The following SLC35G2 variants were observed in gnomAD, a reference collection of about 807,000 sequenced individuals.
SLC35G2 encodes solute carrier family 35 member G2.
A neutral mutation model predicts 27.2 loss-of-function variants in SLC35G2; 20 were observed. The observed-to-expected ratio is 0.74, with a 90% confidence interval of 0.52 to 1.07. The LOEUF is 1.07. Ranked by LOEUF, SLC35G2 falls within the 50% of genes least tolerant of loss-of-function variation. The pLI, the probability that SLC35G2 is intolerant of heterozygous loss-of-function variation, is 0.00. For missense variants in SLC35G2, 416 were observed against 493.3 expected (o/e 0.84, Z 1.48); for synonymous variants, 148 against 165.3 (o/e 0.90, Z 0.80).
intron 1 of SLC35G2, among the ~76,000 whole-genome samples, chr3:136,825,016 C>T (rs1032174049): frequency 3.3e-5 from 5 of 151,974 alleles, no homozygotes; most frequent in African/African-American, 7.2e-5. Flanking sequence ...GGTTTTCTGA[C>T]CTTGTGATAG....
chr3:136,827,848 T>C (rs115773336), intron 1 of SLC35G2, among the ~76,000 whole-genome samples: 2,457 of 152,128 alleles, frequency 0.016, 76 homozygotes, highest in African/African-American at 0.056. Context: ...TGTTTTTTTT[T>C]TTTTGAGACA....
chr3:136,842,289 G>C (rs564407960), intron 1 of SLC35G2: 1 of 152,086 alleles, frequency 6.6e-6, no homozygotes, highest in Non-Finnish European at 1.5e-5. Context: ...TGAGTGGTTC[G>C]GGATCTGCTT....
At chr3:136,830,631 AT>A (rs1442017736) in intron 1 of SLC35G2, among the ~76,000 whole-genome samples, 1 of 151,306 alleles carries the variant, frequency 6.6e-6, no homozygotes, top group Non-Finnish European at 1.5e-5. Context: ...GTTGGCCAGG[AT>A]GGTCTCGATC....
intron 1 of SLC35G2, among the ~76,000 whole-genome samples, chr3:136,826,605 G>A (rs1248293209): frequency 3.3e-5 from 5 of 151,956 alleles, no homozygotes; most frequent in Non-Finnish European, 7.4e-5. Context: ...TGTGGTATCA[G>A]TTGTAATGTC....
intron 1 of SLC35G2, among the ~76,000 whole-genome samples, chr3:136,839,726 G>A (rs974349087): frequency 6.6e-6 from 1 of 152,058 alleles, no homozygotes; most frequent in Non-Finnish European, 1.5e-5. Flanking sequence ...GCCAGCTGTT[G>A]ACTTCTAGAA....
chr3:136,842,483 A>C (rs1454799130), intron 1 of SLC35G2: 4 of 152,208 alleles, frequency 2.6e-5, no homozygotes, highest in African/African-American at 9.6e-5. Context: ...CCCTGGGGCC[A>C]GTATAGAGTT....
chr3:136,831,370 G>C (rs1387333757), intron 1 of SLC35G2, among the ~76,000 whole-genome samples: 5 of 152,180 alleles, frequency 3.3e-5, no homozygotes. Context: ...CTAAGCCAGA[G>C]GACTCATTCA....
intron 1 of SLC35G2, chr3:136,842,716 TA>T (rs1440876635): frequency 6.6e-6 from 1 of 152,230 alleles, no homozygotes; most frequent in Non-Finnish European, 1.5e-5. Context: ...ACCAAGTCAT[TA>T]TTTTTGTTTA....
At chr3:136,845,126 C>T (rs1265029948) in intron 1 of SLC35G2, among the ~76,000 whole-genome samples, 1 of 151,908 alleles carries the variant, frequency 6.6e-6, no homozygotes, top group African/African-American at 2.4e-5. Flanking sequence ...TGTTTGATAT[C>T]ATTTTTGTAA....
At chr3:136,834,479 G>A (rs1333229846) in intron 1 of SLC35G2, among the ~76,000 whole-genome samples, 1 of 152,068 alleles carries the variant, frequency 6.6e-6, no homozygotes, top group African/African-American at 2.4e-5. Context: ...ATAGGCACCT[G>A]CCACCACACC....
intron 1 of SLC35G2, among the ~76,000 whole-genome samples, chr3:136,833,279 G>C (rs886465950): frequency 1.1e-4 from 17 of 152,148 alleles, no homozygotes; most frequent in Non-Finnish European, 2.9e-5. Context: ...TGTGACCTCA[G>C]AAGACATATA....
intron 1 of SLC35G2, among the ~76,000 whole-genome samples, chr3:136,849,957 A>C (rs1937573875): frequency 1.3e-5 from 2 of 152,004 alleles, no homozygotes; most frequent in South Asian, 2.1e-4. Flanking sequence ...AAATACAAAA[A>C]TTAGCCAGGC....
intron 1 of SLC35G2, among the ~76,000 whole-genome samples, chr3:136,844,214 G>A (rs1355039352): frequency 6.6e-6 from 1 of 151,764 alleles, no homozygotes; most frequent in Non-Finnish European, 1.5e-5. Flanking sequence ...AAACAGCCAG[G>A]CGCGGTGGCT....
intron 1 of SLC35G2, among the ~76,000 whole-genome samples, chr3:136,824,984 T>G (rs1166560030): frequency 3.3e-5 from 5 of 152,174 alleles, no homozygotes; most frequent in Non-Finnish European, 5.9e-5. Flanking sequence ...CTCCCACCTA[T>G]GAGTGAAAAC....
intron 1 of SLC35G2, among the ~76,000 whole-genome samples, chr3:136,850,860 G>A (rs1301907594): frequency 1.3e-5 from 2 of 152,074 alleles, no homozygotes; most frequent in African/African-American, 4.8e-5. Context: ...CAGGAGGGGT[G>A]GTGTACAAGT....
intron 1 of SLC35G2, among the ~76,000 whole-genome samples, chr3:136,824,004 C>T (rs149580726): frequency 6.6e-6 from 1 of 152,224 alleles, no homozygotes; most frequent in African/African-American, 2.4e-5. Flanking sequence ...ATGTTCCTGG[C>T]ACCTTTGTGG....
At position 136,854,721 on chromosome 3, in the gene SLC35G2, T is replaced by G. The variant is rs1937891377; in HGVS notation, c.261T>G (p.Ile87Met). Residue 87 changes from isoleucine (I) to methionine (M), a missense_variant, in exon 2 of 2, where the codon ATT becomes ATG. Coordinates refer to ENST00000446465, the MANE Select transcript of SLC35G2 (RefSeq NM_025246.3). ...PPTEDPMINE[I>M]GQFQSFAEKN... The stretch of plus-strand genomic sequence containing the variant: ...CAGAAGACCCAATGATCAATGAGAT[T>G]GGACAATTCCAGAGCTTTGCAGAAA... The G allele has an allele frequency of 6.2e-7, 1 of 1,614,140 alleles. No individual in the cohort carries two copies. The highest frequency in any genetic ancestry group is 8.5e-7 in the Non-Finnish European group (1 of 1,180,030).
chr3:136,855,739 T>TAG lies in SLC35G2; in HGVS notation c.*40_*41insAG, dbSNP rs1937991511. On this transcript the variant is annotated 3_prime_UTR_variant, in exon 2 of 2. Coordinates refer to ENST00000446465, the MANE Select transcript of SLC35G2 (RefSeq NM_025246.3). ...TTGTCTCATTAATGTTCAGTTATTA[T>TAG]GTATACTGCCATTTTAATGTTTACC... The TAG allele has an allele frequency of 5.1e-6, 4 of 777,658 alleles. No homozygotes were observed. The African/African-American group carries it at 7.5e-5, about 15-fold the overall frequency. 48.2% of individuals were successfully genotyped at this position (777,658 alleles called of 1,614,324 possible). A position where few individuals can be genotyped will look rare whatever the true frequency, so the allele number is the denominator to read the frequency against.
At chr3:136,846,715 A>C (rs1937395188) in intron 1 of SLC35G2, 1 of 152,252 alleles carries the variant, frequency 6.6e-6, no homozygotes, top group Non-Finnish European at 1.5e-5. Flanking sequence ...TGTAAGTATG[A>C]AATCATTAAA....
Sources: allele counts gnomAD v4.1 joint callset (sites outside exome capture counted in the v4.1 genomes callset), GRCh38; gene constraint gnomAD v4.1.1; transcripts MANE v1.5; gene names NCBI Gene and HGNC (gene_info 2026-07-23, HGNC 2026-07-21).